Variants in TTC27 observed in about 807,000 individuals in gnomAD.
TTC27 encodes the protein tetratricopeptide repeat protein 27.
A neutral mutation model predicts 115.9 loss-of-function variants in TTC27; 79 were observed. The observed-to-expected ratio is 0.68, with a 90% CI of 0.57 to 0.82. TTC27 has a LOEUF of 0.82. Among genes scored for constraint, TTC27 ranks in the 40% least tolerant of loss-of-function variants. The probability of loss-of-function intolerance (pLI) is 0.00; values close to 1 mark genes in which losing one functional copy is unlikely to be tolerated. For synonymous variants in TTC27, 401 were observed against 356.0 expected, an observed-to-expected ratio of 1.13 and a Z score of -1.42; for missense variants, 1,054 against 993.1, an observed-to-expected ratio of 1.06 and a Z score of -0.82.
chr2:32,807,463 TTC>T (rs547569177), intron 16 of TTC27, among the ~76,000 whole-genome samples: 216 of 152,134 alleles, frequency 1.4e-3, no homozygotes, highest in African/African-American at 5.0e-3. Context: ...ATTTGTTGAC[TTC>T]TTCTTATCTT....
chr2:32,805,626 TTC>T (rs1293804584), intron 16 of TTC27, among the ~76,000 whole-genome samples: 6 of 152,194 alleles, frequency 3.9e-5, no homozygotes, highest in African/African-American at 1.2e-4. Flanking sequence ...TCTGTTTGAG[TTC>T]TGTTTTGAAC....
chr2:32,666,495 AG>A, intron 6 of TTC27, 139 bp from the exon 7 acceptor site: 2 of 790,442 alleles, frequency 2.5e-6, no homozygotes, highest in Non-Finnish European at 3.6e-6. Flanking sequence ...TTAAAACCTG[AG>A]GCTGGGCCTC....
rs897156835 is a variant in TTC27 at position 32,799,401 on chromosome 2, T to C, written c.1999-11623T>C. Among the ~76,000 whole-genome samples the C allele has an allele frequency of 2.6e-5, 4 of 152,160 alleles. No homozygotes were observed. In the East Asian group the frequency reaches 7.7e-4, roughly 29 times the overall value. Reference sequence around the variant, plus strand: ...TTCTAAATTGTATGTTATGTGTATTTTACTAAAATGAGAAAGAGTAGAGGA... The same window carrying C: ...TTCTAAATTGTATGTTATGTGTATTCTACTAAAATGAGAAAGAGTAGAGGA... On this transcript the variant is annotated intron_variant, in intron 16 of 19. Transcript: ENST00000317907.
chr2:32,820,709 T>C (rs1442846989), intron 19 of TTC27, 107 bp from the exon 20 acceptor site: 14 of 1,015,786 alleles, frequency 1.4e-5, no homozygotes, highest in Non-Finnish European at 1.8e-5. Flanking sequence ...ATTATAATTG[T>C]ATAGTATTAT....
intron 12 of TTC27, among the ~76,000 whole-genome samples, chr2:32,750,465 C>T (rs920148911): frequency 2.0e-5 from 3 of 152,170 alleles, no homozygotes; most frequent in Admixed American, 1.3e-4. Flanking sequence ...TGAACTCTAA[C>T]ATGAAATCAG....
chr2:32,657,211 T>G (rs1357018057), intron 5 of TTC27, among the ~76,000 whole-genome samples: 1 of 152,046 alleles, frequency 6.6e-6, no homozygotes, highest in Non-Finnish European at 1.5e-5. Context: ...GGTCTCGATC[T>G]CCTGACCTCG....
intron 2 of TTC27, among the ~76,000 whole-genome samples, chr2:32,631,694 T>G (rs1171725415): frequency 6.6e-6 from 1 of 152,226 alleles, no homozygotes; most frequent in African/African-American, 2.4e-5. Flanking sequence ...TAAACTATTG[T>G]AGTAGATGTG....
At chr2:32,715,981 A>G (rs1667742083) in intron 10 of TTC27, among the ~76,000 whole-genome samples, 1 of 95,746 alleles carries the variant, frequency 1.0e-5, no homozygotes, top group South Asian at 3.8e-4. Flanking sequence ...AATTGTTTTA[A>G]TTATATGAAT....
At chr2:32,797,558 A>T (rs770837645) in intron 16 of TTC27, among the ~76,000 whole-genome samples, 21 of 152,226 alleles carry the variant, frequency 1.4e-4, no homozygotes, top group Non-Finnish European at 2.5e-4. Flanking sequence ...GCATATCCAC[A>T]TGCAAAAGAA....
chr2:32,638,411 C>T (rs573403103), intron 3 of TTC27, among the ~76,000 whole-genome samples: 1 of 152,282 alleles, frequency 6.6e-6, no homozygotes, highest in African/African-American at 2.4e-5. Context: ...GGCAGTCTCG[C>T]TCTGTCGCCC....
chr2:32,783,801 G>A (rs1670259725), intron 15 of TTC27, among the ~76,000 whole-genome samples: 1 of 152,204 alleles, frequency 6.6e-6, no homozygotes, highest in Admixed American at 6.5e-5. Context: ...GGAAAGGGAG[G>A]AGACAAGGAC....
chr2:32,658,243 C>G (rs1665409546), intron 5 of TTC27, among the ~76,000 whole-genome samples: 1 of 152,196 alleles, frequency 6.6e-6, no homozygotes, highest in Non-Finnish European at 1.5e-5. Flanking sequence ...CCACTTCGTC[C>G]TCTCCAGTAT....
intron 12 of TTC27, among the ~76,000 whole-genome samples, chr2:32,755,364 C>T (rs577625535): frequency 6.6e-6 from 1 of 152,194 alleles, no homozygotes; most frequent in African/African-American, 2.4e-5. Flanking sequence ...GCGGATCACT[C>T]GCGGTTAGGA....
chr2:32,789,489 A>G (rs1285698978), intron 16 of TTC27, among the ~76,000 whole-genome samples: 1 of 152,228 alleles, frequency 6.6e-6, no homozygotes, highest in Admixed American at 6.5e-5. Flanking sequence ...CAGTGGTATT[A>G]TAGATACCAA....
At position 32,642,959 on chromosome 2, in the gene TTC27, A is replaced by G. The variant is rs115284931; in HGVS notation, c.537+2549A>G. On this transcript the variant is annotated intron_variant, in intron 4 of 19. Coordinates refer to ENST00000317907, the MANE Select transcript of TTC27 (RefSeq NM_017735.5). ...GCCGAGATTATAGGCATAAGCCACC[A>G]TTCCCAGCCTAGAAAGGTTTTTGTT... Among the ~76,000 whole-genome samples the G allele has an allele frequency of 5.5e-3, 832 of 150,920 alleles. 3 individuals are homozygous for G. Among genetic ancestry groups the G allele is most frequent in the African/African-American group, 0.019 (776 of 41,036 alleles).
intron 11 of TTC27, among the ~76,000 whole-genome samples, chr2:32,735,153 C>T (rs1186566837): frequency 6.6e-6 from 1 of 152,150 alleles, no homozygotes; most frequent in Non-Finnish European, 1.5e-5. Context: ...TATTCTTAAA[C>T]ACAGGGTGAA....
chr2:32,724,679 A>G (rs1475974799), intron 10 of TTC27, among the ~76,000 whole-genome samples: 2 of 152,218 alleles, frequency 1.3e-5, no homozygotes, highest in Non-Finnish European at 2.9e-5. Context: ...CCCATGGAAC[A>G]TTATTTTTGC....
intron 9 of TTC27, 27 bp from the exon 10 acceptor site, chr2:32,702,780 T>A (rs763278166): frequency 6.1e-6 from 9 of 1,486,236 alleles, no homozygotes; most frequent in Non-Finnish European, 8.4e-6. Flanking sequence ...CTCTTTTCTA[T>A]GATTTTTTTC....
chr2:32,786,512 C>A (rs997871365), intron 15 of TTC27, among the ~76,000 whole-genome samples: 9 of 152,098 alleles, frequency 5.9e-5, no homozygotes, highest in African/African-American at 1.9e-4. Flanking sequence ...TTTTTTCTCA[C>A]AGGGTGTAGA....
Sources: gnomAD v4.1 joint callset for allele counts (sites outside exome capture counted in the v4.1 genomes callset) on GRCh38, gnomAD v4.1.1 for gene constraint, MANE v1.5 for transcripts, NCBI Gene and HGNC (gene_info 2026-07-23, HGNC 2026-07-21) for gene names.